Variants in MIA3 observed in about 807,000 individuals in gnomAD.
MIA3 encodes the protein transport and Golgi organization protein 1 homolog.
Under a neutral mutation model 192.4 loss-of-function variants are expected in MIA3, and 90 were observed. That is an observed-to-expected ratio of 0.47 (90% confidence interval 0.39 to 0.56). The LOEUF is 0.56. Among genes scored for constraint, MIA3 ranks in the 20% least tolerant of loss-of-function variants. MIA3 has a pLI of 0.00. For synonymous variants in MIA3, 740 were observed against 792.8 expected, an observed-to-expected ratio of 0.93 and a Z score of 1.12; for missense variants, 2,123 against 2,269.4, an observed-to-expected ratio of 0.94 and a Z score of 1.31.
At chr1:222,636,479 G>A (rs1229636313) in intron 6 of MIA3, among the ~76,000 whole-genome samples, 7 of 148,688 alleles carry the variant, frequency 4.7e-5, no homozygotes, top group African/African-American at 1.5e-4. Context: ...GCATATTTCT[G>A]GAACTCTACT....
At position 222,659,718 on chromosome 1, in the gene MIA3, T is replaced by A. The variant is rs745789590; in HGVS notation, c.4807-16T>A. The A allele has an allele frequency of 1.8e-5, 29 of 1,613,864 alleles. No individual in the cohort carries two copies. Among genetic ancestry groups the A allele is most frequent in the Middle Eastern group, 1.6e-4 (1 of 6,084 alleles). ...ATAGTCTCCCACAACTGAATTTGGA[T>A]ATTTTTCTTCAATAGCTCAAAGCTC... On this transcript the variant is annotated splice_polypyrimidine_tract_variant and intron_variant, in intron 21 of 27. Coordinates refer to ENST00000344922, the MANE Select transcript of MIA3 (RefSeq NM_198551.4).
chr1:222,654,415 A>AGAG lies in MIA3; in HGVS notation c.4407_4409dup (p.Glu1469dup). 6.2e-7 allele frequency: 1 copy of AGAG among 1,613,922 alleles called. No individual in the cohort carries two copies. Among genetic ancestry groups the AGAG allele is most frequent in the Non-Finnish European group, 8.5e-7 (1 of 1,179,956 alleles). Reference sequence around the variant, plus strand: ...CACAGACTGCAATATCGGTAGTTGAAGAGGATCTAAAGCTTTTACAGCTTA... The same window carrying AGAG: ...CACAGACTGCAATATCGGTAGTTGAAGAGGAGGATCTAAAGCTTTTACAGCTTA... On this transcript the variant is annotated inframe_insertion, in exon 17 of 28. Transcript: ENST00000344922.
Position 222,629,416 on chromosome 1 carries a change from G to A in MIA3, c.2196G>A (p.Glu732=). The change falls in exon 4 of 28, where the codon GAG becomes GAA. Residue 732 remains glutamate (E), a synonymous_variant. Coordinates refer to ENST00000344922, the MANE Select transcript of MIA3 (RefSeq NM_198551.4). ...ATTATCCCTCTGAAGAACTACTAGA[G>A]GATGAAAACGCTATAAATGCAAAAC... ...EDDYPSEELL[E]DENAINAKRS... 3 of 1,614,170 alleles carry A rather than the reference G, an allele frequency of 1.9e-6. No homozygotes were observed. The highest frequency in any genetic ancestry group is 2.2e-5 in the South Asian group (2 of 91,080).
At position 222,628,379 on chromosome 1, in the gene MIA3, A is replaced by G. The variant is rs199732400; in HGVS notation, c.1159A>G (p.Ile387Val). Residue 387 changes from isoleucine (I) to valine (V), a missense_variant, in exon 4 of 28, where the codon ATC (isoleucine) becomes GTC (valine). By Grantham distance (29) the Ile-to-Val change is conservative (BLOSUM62 3). This residue lies in a region of MIA3 where 1,357 missense variants were observed against 1,396.1 expected (regional missense o/e 0.97). Transcript: ENST00000344922. ...TATACTAACAACCTGGGGGGACACT[A>G]TCTTCTCTATTGTCACAGGAGGTGA... ...KNILTTWGDT[I>V]FSIVTGGEET... 11 of 1,613,940 alleles carry G rather than the reference A, an allele frequency of 6.8e-6. No homozygotes were observed. The highest frequency in any genetic ancestry group is 9.3e-6 in the Non-Finnish European group (11 of 1,180,000).
rs374754323 is a variant in MIA3 at position 222,660,328 on chromosome 1, T to C, written c.5113+14T>C. 3.7e-6 allele frequency: 6 copies of C among 1,602,392 alleles called. No homozygotes were observed. The African/African-American group carries it at 8.1e-5, about 22-fold the overall frequency. On this transcript the variant is annotated intron_variant, in intron 24 of 27. Coordinates refer to ENST00000344922, the MANE Select transcript of MIA3 (RefSeq NM_198551.4). ...GAAGTGAATTTGGTGAGCATTCACA[T>C]GTTTCCTTGCAATACTCTTTTGGGT...
In MIA3 at chr1:222,650,677, A is replaced by G. The variant is rs1663382668; in HGVS notation, c.3764A>G (p.Asn1255Ser). 1 of 1,599,940 alleles carries G rather than the reference A, an allele frequency of 6.3e-7. No individual in the cohort carries two copies. The highest frequency in any genetic ancestry group is 1.7e-5 in the Admixed American group (1 of 58,264). ...KKHVQETRKQ[N>S]MILSDEAIKY... ...CATGTTCAGGAAACCAGGAAACAAA[A>G]TATGATTCTCTCTGATGAAGCAATT... Residue 1255 changes from asparagine (N) to serine (S), a missense_variant, in exon 10 of 28, where the codon AAT becomes AGT. Asn to Ser is a conservative substitution (Grantham distance 46, BLOSUM62 1). Around this residue, in one of 3 missense-constraint regions of MIA3, gnomAD observed 762 missense variants for 856.4 expected, o/e 0.89. Transcript: ENST00000344922.
At chr1:222,640,864 G>C (rs1182138679) in intron 6 of MIA3, among the ~76,000 whole-genome samples, 1 of 152,072 alleles carries the variant, frequency 6.6e-6, no homozygotes, top group East Asian at 1.9e-4. Context: ...TTTGTATTCA[G>C]AATACATAAA....
intron 1 of MIA3, 114 bp from the exon 2 acceptor site, chr1:222,621,045 A>G (rs1220038595): frequency 1.2e-6 from 1 of 856,356 alleles, no homozygotes; most frequent in African/African-American, 1.7e-5. Context: ...AGAGTACTGG[A>G]AAAACTTGGT....
At chr1:222,655,079 C>G (rs1663645524) in intron 18 of MIA3, among the ~76,000 whole-genome samples, 1 of 152,170 alleles carries the variant, frequency 6.6e-6, no homozygotes, top group South Asian at 2.1e-4. Flanking sequence ...CTGGCCATGC[C>G]TTGTCTGTGG....
intron 24 of MIA3, 34 bp from the exon 25 acceptor site, chr1:222,662,022 A>T (rs1376704650): frequency 1.3e-6 from 2 of 1,563,000 alleles, no homozygotes; most frequent in Non-Finnish European, 1.8e-6. Flanking sequence ...CTTCCAAAAA[A>T]TACATATAAG....
rs1478929624 is a variant in MIA3 at position 222,660,375 on chromosome 1, G to T, written c.5113+61G>T. 2.0e-6 allele frequency: 3 copies of T among 1,527,440 alleles called. No homozygotes were observed. The East Asian group carries it at 6.9e-5, about 35-fold the overall frequency. 94.6% of individuals were successfully genotyped at this position (1,527,440 alleles called of 1,614,324 possible). On this transcript the variant is annotated intron_variant, in intron 24 of 27. Coordinates refer to ENST00000344922, the MANE Select transcript of MIA3 (RefSeq NM_198551.4). ...GGGTGGCTTTTTCCCTTTTATTTGAGAATTCTAATGCAAACACTTTAGAAT... is the reference window on the plus strand; with the variant it reads ...GGGTGGCTTTTTCCCTTTTATTTGATAATTCTAATGCAAACACTTTAGAAT...
intron 6 of MIA3, among the ~76,000 whole-genome samples, chr1:222,636,230 T>A (rs920245273): frequency 1.8e-4 from 27 of 152,158 alleles, no homozygotes; most frequent in African/African-American, 6.3e-4. Context: ...TAATTGTAAT[T>A]CCTGATGATT....
intron 6 of MIA3, among the ~76,000 whole-genome samples, chr1:222,639,132 G>A (rs1403644351): frequency 1.3e-5 from 2 of 152,164 alleles, no homozygotes; most frequent in African/African-American, 4.8e-5. Context: ...AGCAATTTAT[G>A]TCAACTAATT....
At chr1:222,622,618 CA>C (rs2124822327) in intron 2 of MIA3, among the ~76,000 whole-genome samples, 1 of 152,312 alleles carries the variant, frequency 6.6e-6, no homozygotes, top group African/African-American at 2.4e-5. Flanking sequence ...TGCTCCATAC[CA>C]AAACAAATCT....
chr1:222,621,105 G>A (rs2102710473), intron 1 of MIA3, 54 bp from the exon 2 acceptor site: 1 of 1,485,474 alleles, frequency 6.7e-7, no homozygotes, highest in Non-Finnish European at 9.1e-7. Context: ...AATATGCACT[G>A]TGAACACTGA....
In MIA3 at chr1:222,662,243, T is replaced by A. The variant is rs373672134; in HGVS notation, c.5183-10T>A. ...GAATAAGTCTACATCAGTTCTCTGG[T>A]CTTTAACAGATCCAGGATCTGGTAC... On this transcript the variant is annotated splice_polypyrimidine_tract_variant and intron_variant, in intron 25 of 27. Transcript: ENST00000344922. 9 of 1,612,740 alleles carry A rather than the reference T, an allele frequency of 5.6e-6. No homozygotes were observed. The highest frequency in any genetic ancestry group is 1.3e-5 in the African/African-American group (1 of 74,846).
chr1:222,651,862 A>T (rs1663454103), intron 11 of MIA3, 115 bp from the exon 12 acceptor site: 1 of 710,196 alleles, frequency 1.4e-6, no homozygotes, highest in Non-Finnish European at 2.5e-6. Context: ...TTTTACCTGA[A>T]ACATAGGGGA....
At chr1:222,641,403 C>T (rs1662846361) in intron 6 of MIA3, 3 of 447,644 alleles carry the variant, frequency 6.7e-6, no homozygotes, top group Non-Finnish European at 1.3e-5. Context: ...CCCATTTCTG[C>T]AACAGATTCT....
At position 222,620,611 on chromosome 1, in the gene MIA3, C is replaced by T. The variant is rs377309768; in HGVS notation, c.134-548C>T. On this transcript the variant is annotated intron_variant, in intron 1 of 27. Coordinates refer to ENST00000344922, the MANE Select transcript of MIA3 (RefSeq NM_198551.4). ...ACAACTTGGCTGCAAATGAAATTGA[C>T]AGTGTTTACTGCTACATAGTACTGG... 3.2e-4 allele frequency among the ~76,000 whole-genome samples: 49 copies of T among 152,292 alleles called. No homozygotes were observed. In the East Asian group the frequency reaches 7.9e-3, roughly 25 times the overall value.
Sources: allele counts gnomAD v4.1 joint callset (sites outside exome capture counted in the v4.1 genomes callset), GRCh38; gene constraint gnomAD v4.1.1; regional missense constraint gnomAD v4.1.1; transcripts MANE v1.5; gene names NCBI Gene and HGNC (gene_info 2026-07-23, HGNC 2026-07-21).